SERINC5: variants seen among roughly 807,000 people sequenced by gnomAD.
SERINC5 encodes chromosome 5 open reading frame 12.
SERINC5 carries 41 observed loss-of-function variants against 63.1 expected under a neutral mutation model. That is an observed-to-expected ratio of 0.65 (90% CI 0.51 to 0.84). The LOEUF (loss-of-function observed/expected upper bound fraction) is 0.84. SERINC5 is among the 40% of genes least tolerant of loss of function. The probability of loss-of-function intolerance (pLI) is 0.00; values close to 1 mark genes in which losing one functional copy is unlikely to be tolerated. For missense variants in SERINC5, 523 were observed against 573.0 expected (o/e 0.91, Z 0.89); for synonymous variants, 222 against 215.2 (o/e 1.03, Z -0.28).
intron 1 of SERINC5, among the ~76,000 whole-genome samples, chr5:80,222,635 C>T (rs1398946785): frequency 1.3e-5 from 2 of 151,572 alleles, no homozygotes; most frequent in Non-Finnish European, 2.9e-5. Context: ...TGCAATGGAG[C>T]GATCTCGGCT....
chr5:80,117,398 C>T (rs1435238134), intron 11 of SERINC5, among the ~76,000 whole-genome samples: 1 of 151,986 alleles, frequency 6.6e-6, no homozygotes, highest in Non-Finnish European at 1.5e-5. Context: ...TAGCTTGGTA[C>T]CTAGCACATA....
chr5:80,196,638 T>G (rs115239509), intron 2 of SERINC5, among the ~76,000 whole-genome samples: 1,557 of 152,274 alleles, frequency 0.01, 27 homozygotes, highest in African/African-American at 0.035. Context: ...CAAATGTCCA[T>G]CAACTGACAA....
chr5:80,233,163 C>T (rs1028152146), intron 1 of SERINC5, among the ~76,000 whole-genome samples: 7 of 152,196 alleles, frequency 4.6e-5, no homozygotes, highest in African/African-American at 9.6e-5. Flanking sequence ...CAGTGGCTCA[C>T]GCCTGTAATC....
rs772735653 is a variant in SERINC5 at position 80,218,673 on chromosome 5, C to CAA, written c.28-15622_28-15621dup. On this transcript the variant is annotated intron_variant, in intron 1 of 11. Coordinates refer to ENST00000507668, the MANE Select transcript of SERINC5 (RefSeq NM_001174072.3). ...CTGGTGACAGAGCAAGACTCTGTCT[C>CAA]AAAAAAAAAAAAAAAAGTCTGGTGC... is the stretch of plus-strand genomic sequence containing the variant. Among the ~76,000 whole-genome samples, 413 of 99,166 alleles carry CAA rather than the reference C, an allele frequency of 4.2e-3. 1 individual carries two copies. Among genetic ancestry groups the CAA allele is most frequent in the African/African-American group, 9.6e-3 (255 of 26,562 alleles). 65.1% of individuals were successfully genotyped at this position (99,166 alleles called of 152,430 possible).
intron 11 of SERINC5, among the ~76,000 whole-genome samples, chr5:80,120,114 A>G (rs1744485365): frequency 6.6e-6 from 1 of 152,198 alleles, no homozygotes; most frequent in African/African-American, 2.4e-5. Context: ...TTCAATGATA[A>G]TTATGTAAAG....
chr5:80,232,133 G>A (rs569570102), intron 1 of SERINC5, among the ~76,000 whole-genome samples: 1 of 149,986 alleles, frequency 6.7e-6, no homozygotes, highest in Admixed American at 6.7e-5. Context: ...GGCCGGGCAA[G>A]GTGGCTCACG....
rs113118702 is a variant in SERINC5, at chr5:80,181,416, T to TTTGTGTGTGTGTGTGTGTGTGTGTGTGTG, written c.196-3353_196-3352insCACACACACACACACACACACACACACAA. Reference sequence around the variant, plus strand: ...CATGCACCACCAAGCTCAGCTAATTTTGTGTGTGTGTGTGTGTGTGTGTGT... The same window carrying TTTGTGTGTGTGTGTGTGTGTGTGTGTGTG: ...CATGCACCACCAAGCTCAGCTAATTTTTGTGTGTGTGTGTGTGTGTGTGTGTGTGTGTGTGTGTGTGTGTGTGTGTGTGT... On this transcript the variant is annotated intron_variant, in intron 2 of 11. Transcript: ENST00000507668. Among the ~76,000 whole-genome samples, 4 of 145,446 alleles carry TTTGTGTGTGTGTGTGTGTGTGTGTGTGTG rather than the reference T, an allele frequency of 2.8e-5. No homozygotes were observed. The South Asian group carries it at 6.8e-4, about 25-fold the overall frequency.
chr5:80,118,714 A>ATTTTTTTTTTTT (rs34814066), intron 11 of SERINC5, among the ~76,000 whole-genome samples: 2 of 108,254 alleles, frequency 1.8e-5, no homozygotes, highest in African/African-American at 3.8e-5. Flanking sequence ...TGTCCAGCTA[A>ATTTTTTTTTTTT]TTTTTTTTTT....
At chr5:80,243,439 T>C (rs954208588) in intron 1 of SERINC5, among the ~76,000 whole-genome samples, 1 of 151,826 alleles carries the variant, frequency 6.6e-6, no homozygotes, top group Admixed American at 6.6e-5. Flanking sequence ...AACAAGAAAA[T>C]TTAAGAACTA....
At chr5:80,216,116 T>C (rs904306556) in intron 1 of SERINC5, among the ~76,000 whole-genome samples, 3 of 152,148 alleles carry the variant, frequency 2.0e-5, no homozygotes, top group African/African-American at 7.2e-5. Context: ...TTCTGACAGC[T>C]CAACAGAAAA....
chr5:80,113,823 G>A (rs1744227700), intron 11 of SERINC5, among the ~76,000 whole-genome samples: 1 of 151,836 alleles, frequency 6.6e-6, no homozygotes, highest in Non-Finnish European at 1.5e-5. Flanking sequence ...GTTGAGATTT[G>A]GGTGGGGACA....
intron 2 of SERINC5, chr5:80,198,780 G>C (rs1324198256): frequency 1.2e-6 from 1 of 851,592 alleles, no homozygotes; most frequent in Non-Finnish European, 1.4e-6. Context: ...CAGCTCCCTT[G>C]TGAGGCCCTA....
intron 1 of SERINC5, among the ~76,000 whole-genome samples, chr5:80,228,659 G>A (rs1223455505): frequency 6.6e-6 from 1 of 151,808 alleles, no homozygotes; most frequent in Admixed American, 6.6e-5. Flanking sequence ...ATACTCCCCA[G>A]GCTGGTCTTA....
chr5:80,117,285 CCT>C (rs1223570303), intron 11 of SERINC5, among the ~76,000 whole-genome samples: 2 of 152,088 alleles, frequency 1.3e-5, no homozygotes, highest in Non-Finnish European at 2.9e-5. Context: ...TGGGACCTCA[CCT>C]CTCTGAGCCT....
At chr5:80,185,510 C>T (rs188307049) in intron 2 of SERINC5, among the ~76,000 whole-genome samples, 4 of 136,212 alleles carry the variant, frequency 2.9e-5, no homozygotes, top group Non-Finnish European at 3.1e-5. Flanking sequence ...ATATTTCATG[C>T]GCGTCCGTGT....
intron 11 of SERINC5, among the ~76,000 whole-genome samples, chr5:80,126,506 C>A (rs1012397080): frequency 2.0e-5 from 3 of 152,210 alleles, no homozygotes; most frequent in African/African-American, 7.2e-5. Flanking sequence ...TTACTTATTT[C>A]TTTAACAAAC....
At chr5:80,171,138 T>C (rs944292983) in intron 5 of SERINC5, among the ~76,000 whole-genome samples, 5 of 152,212 alleles carry the variant, frequency 3.3e-5, no homozygotes, top group Admixed American at 2.0e-4. Context: ...GCCTCCTTAG[T>C]AGCTGGGATT....
chr5:80,141,261 C>A lies in SERINC5; in HGVS notation c.*2402G>T, dbSNP rs774971284. On this transcript the variant is annotated 3_prime_UTR_variant, in exon 12 of 12. Transcript: ENST00000507668. ...CATCAGACCAACCGGCAGAAGGGAACGGGATGTCACAAACCAGACTCACGC... is the reference window on the plus strand; with the variant it reads ...CATCAGACCAACCGGCAGAAGGGAAAGGGATGTCACAAACCAGACTCACGC... 1.0e-6 allele frequency: 1 copy of A among 985,410 alleles called. No individual in the cohort carries two copies. Among genetic ancestry groups the A allele is most frequent in the Non-Finnish European group, 1.2e-6 (1 of 829,934 alleles). The allele number at this position is 985,410 out of a possible 1,614,324, so 61.0% of individuals were successfully genotyped here.
At chr5:80,215,074 C>T (rs1750604591) in intron 1 of SERINC5, among the ~76,000 whole-genome samples, 1 of 152,032 alleles carries the variant, frequency 6.6e-6, no homozygotes, top group Non-Finnish European at 1.5e-5. Flanking sequence ...ATCGATATGG[C>T]TAGGATTTGT....
Sources: gnomAD v4.1 joint callset for allele counts (sites outside exome capture counted in the v4.1 genomes callset) on GRCh38, gnomAD v4.1.1 for gene constraint, MANE v1.5 for transcripts, NCBI Gene and HGNC (gene_info 2026-07-23, HGNC 2026-07-21) for gene names.